PNPT1: variants seen among roughly 807,000 people sequenced by gnomAD.
The protein encoded by PNPT1 is polyribonucleotide nucleotidyltransferase 1, mitochondrial.
PNPT1 carries 53 observed loss-of-function variants against 119.5 expected under a neutral mutation model. That is an observed-to-expected ratio of 0.44 (90% confidence interval 0.36 to 0.56). PNPT1 has a LOEUF of 0.56. PNPT1 is among the 20% of genes least tolerant of loss of function. PNPT1 has a pLI of 0.00. For missense variants in PNPT1, 948 were observed against 938.5 expected (o/e 1.01, Z -0.13); for synonymous variants, 357 against 322.1 (o/e 1.11, Z -1.16).
chr2:55,650,635 C>G (rs1254318203), intron 18 of PNPT1, among the ~76,000 whole-genome samples: 1 of 151,732 alleles, frequency 6.6e-6, no homozygotes, highest in African/African-American at 2.4e-5. Context: ...CGTCTCTGCC[C>G]GGCCGCCCAT....
chr2:55,691,870 ATATATATATTTTTT>A (rs1348163939), intron 1 of PNPT1, among the ~76,000 whole-genome samples: 1 of 12,284 alleles, frequency 8.1e-5, no homozygotes, highest in Non-Finnish European at 2.5e-4. Context: ...ATATATATAT[ATATATATATTTTTT>A]TTTTTTTTTT....
intron 1 of PNPT1, among the ~76,000 whole-genome samples, chr2:55,691,878 A>ATATATATTTTTTTTTTTT (rs1326804958): frequency 9.1e-5 from 3 of 33,118 alleles, no homozygotes; most frequent in South Asian, 1.8e-3. Flanking sequence ...ATATATATAT[A>ATATATATTTTTTTTTTTT]TTTTTTTTTT....
At chr2:55,637,679 C>G in intron 26 of PNPT1, 80 bp from the exon 27 acceptor site, 1 of 1,233,932 alleles carries the variant, frequency 8.1e-7, no homozygotes, top group Non-Finnish European at 1.2e-6. Flanking sequence ...TTTCCTCAAG[C>G]TTTATTAGTT....
chr2:55,683,761 T>G (rs200991272), intron 5 of PNPT1, 24 bp downstream of exon 5: 56 of 1,596,288 alleles, frequency 3.5e-5, no homozygotes, highest in Non-Finnish European at 4.5e-5. Context: ...ATCTGGCAAC[T>G]AAAAAACCTA....
rs869195974 is a variant in PNPT1 at position 55,691,848 on chromosome 2, TTATA to T, written c.161+1811_161+1814del. ...TATATTACTCTTCAATTAAAAATGT[TTATA>T]TATATATATATATATATATATATAT... On this transcript the variant is annotated intron_variant, in intron 1 of 27. Coordinates refer to ENST00000447944, the MANE Select transcript of PNPT1 (RefSeq NM_033109.5). 3.9e-3 allele frequency among the ~76,000 whole-genome samples: 341 copies of T among 87,146 alleles called. 3 individuals carry two copies. The highest frequency in any genetic ancestry group is 0.013 in the African/African-American group (268 of 21,262). 57.2% of individuals were successfully genotyped at this position (87,146 alleles called of 152,430 possible).
rs1042674130 is a variant in PNPT1, at chr2:55,686,572, A to C, written c.223-128T>G. The C allele has an allele frequency of 2.7e-5, 18 of 662,704 alleles. No individual in the cohort carries two copies. The African/African-American group carries it at 3.1e-4, about 11-fold the overall frequency. The allele number at this position is 662,704 out of a possible 1,614,324, so 41.1% of individuals were successfully genotyped here. A position where few individuals can be genotyped will look rare whatever the true frequency, so the allele number is the denominator to read the frequency against. On this transcript the variant is annotated intron_variant, in intron 2 of 27. Transcript: ENST00000447944. ...TATCTAATTCTACGACACGATTATGAAATAAAAAATATTCACAAGTAGTCC... is the reference window on the plus strand; with the variant it reads ...TATCTAATTCTACGACACGATTATGCAATAAAAAATATTCACAAGTAGTCC...
chr2:55,671,397 AGTT>A, intron 10 of PNPT1, 21 bp from the exon 11 acceptor site: 1 of 1,441,276 alleles, frequency 6.9e-7, no homozygotes, highest in South Asian at 1.3e-5. Context: ...GTTGAGGTTC[AGTT>A]ATTACATATA....
intron 27 of PNPT1, among the ~76,000 whole-genome samples, chr2:55,636,988 G>C (rs2104011858): frequency 6.6e-6 from 1 of 152,266 alleles, no homozygotes; most frequent in South Asian, 2.1e-4. Context: ...CTACACATTG[G>C]GAATAAACCA....
chr2:55,645,424 T>G lies in PNPT1; in HGVS notation c.1747A>C (p.Lys583Gln), dbSNP rs1559088295. 4 of 1,607,514 alleles carry G rather than the reference T, an allele frequency of 2.5e-6. No individual in the cohort carries two copies. Among genetic ancestry groups the G allele is most frequent in the Middle Eastern group, 1.7e-4 (1 of 6,038 alleles). ...EAIQQASVAK[K>Q]EILQIMNKTI... ...TTGTTCATGATCTGTAATATCTCCT[T>G]TTTTGCCACTAGAAGAGAAAAACAC... Residue 583 changes from lysine to glutamine, a missense_variant, in exon 22 of 28, where the codon AAG becomes CAG. By Grantham distance (53) the Lys-to-Gln change is moderately conservative. Coordinates refer to ENST00000447944, the MANE Select transcript of PNPT1 (RefSeq NM_033109.5).
At position 55,636,069 on chromosome 2, in the gene PNPT1, A is replaced by T. The variant is rs915705724; in HGVS notation, c.*168T>A. On this transcript the variant is annotated 3_prime_UTR_variant, in exon 28 of 28. Transcript: ENST00000447944. ...AAATACAATTAAACAAATATGGGTT[A>T]CTCGAATTAAAAAAATGGCACATGT... is the stretch of plus-strand genomic sequence containing the variant. 6 of 387,834 alleles carry T rather than the reference A, an allele frequency of 1.5e-5. No individual in the cohort carries two copies. Among genetic ancestry groups the T allele is most frequent in the Non-Finnish European group, 2.2e-5 (5 of 225,102 alleles). The allele number at this position is 387,834 out of a possible 1,614,324, so 24.0% of individuals were successfully genotyped here. A position where few individuals can be genotyped will look rare whatever the true frequency, so the allele number is the denominator to read the frequency against.
At chr2:55,674,410 T>C (rs949973790) in intron 8 of PNPT1, among the ~76,000 whole-genome samples, 6 of 151,928 alleles carry the variant, frequency 3.9e-5, no homozygotes, top group African/African-American at 7.3e-5. Context: ...CTGGGCAACA[T>C]AGCGAGGTCC....
At chr2:55,672,638 G>C (rs565962055) in intron 9 of PNPT1, among the ~76,000 whole-genome samples, 2 of 152,260 alleles carry the variant, frequency 1.3e-5, no homozygotes, top group South Asian at 4.1e-4. Context: ...TAGACGTGGA[G>C]AGATGTGGTG....
chr2:55,681,815 G>A (rs1697257307), intron 5 of PNPT1, among the ~76,000 whole-genome samples: 1 of 137,260 alleles, frequency 7.3e-6, no homozygotes, highest in East Asian at 2.1e-4. Context: ...TTGGTCTCCA[G>A]CCTGGGCAAC....
intron 18 of PNPT1, among the ~76,000 whole-genome samples, chr2:55,651,232 T>C (rs1340476338): frequency 6.7e-6 from 1 of 149,644 alleles, no homozygotes; most frequent in Non-Finnish European, 1.5e-5. Flanking sequence ...TACTGGGAAG[T>C]GAGGAGCCCC....
intron 18 of PNPT1, among the ~76,000 whole-genome samples, chr2:55,648,367 C>T (rs1214106673): frequency 1.3e-5 from 2 of 152,126 alleles, no homozygotes; most frequent in Non-Finnish European, 2.9e-5. Context: ...CACAGAAGTG[C>T]GATTGCTGAG....
In PNPT1 at chr2:55,636,198, G is replaced by C; in HGVS notation, c.*39C>G. ...TGTTGCTCTACAGCACATCACCCTA[G>C]ACAAAATAGAATTCTAGAATTCTCT... On this transcript the variant is annotated 3_prime_UTR_variant, in exon 28 of 28. Transcript: ENST00000447944. The C allele has an allele frequency of 1.3e-6, 2 of 1,533,910 alleles. No individual in the cohort carries two copies. Among genetic ancestry groups the C allele is most frequent in the Non-Finnish European group, 1.8e-6 (2 of 1,119,394 alleles).
chr2:55,672,445 A>T (rs1450547788), intron 9 of PNPT1, among the ~76,000 whole-genome samples: 1 of 152,226 alleles, frequency 6.6e-6, no homozygotes, highest in African/African-American at 2.4e-5. Flanking sequence ...ACATTAAGGG[A>T]AAGTATTAAC....
intron 25 of PNPT1, among the ~76,000 whole-genome samples, chr2:55,641,941 A>AAGCGATTCTCCT: frequency 6.6e-6 from 1 of 151,640 alleles, no homozygotes; most frequent in East Asian, 1.9e-4. Context: ...TCCCGGCTTC[A>AAGCGATTCTCCT]AGCGATTCTC....
intron 18 of PNPT1, among the ~76,000 whole-genome samples, chr2:55,651,902 A>AAC (rs1696223323): frequency 6.7e-6 from 1 of 148,700 alleles, no homozygotes; most frequent in Non-Finnish European, 1.5e-5. Context: ...AAAAAAAAAA[A>AAC]AACAATAACC....
Sources: gnomAD v4.1 joint callset for allele counts (sites outside exome capture counted in the v4.1 genomes callset) on GRCh38, gnomAD v4.1.1 for gene constraint, MANE v1.5 for transcripts, NCBI Gene and HGNC (gene_info 2026-07-23, HGNC 2026-07-21) for gene names.